Variants in RRP8 observed in about 807,000 individuals in gnomAD.
RRP8 encodes the protein ribosomal RNA processing 8.
RRP8 carries 48 observed loss-of-function variants against 45.0 expected under a neutral mutation model. The observed-to-expected ratio is 1.07, with a 90% confidence interval of 0.85 to 1.36. The LOEUF (loss-of-function observed/expected upper bound fraction) is 1.36, where lower values mean the gene tolerates loss of function less well. RRP8 is among the 40% of genes most tolerant of loss of function. The pLI is 0.00. For synonymous variants in RRP8, 274 were observed against 212.4 expected, an observed-to-expected ratio of 1.29 and a Z score of -2.52; for missense variants, 658 against 573.7, an observed-to-expected ratio of 1.15 and a Z score of -1.50.
rs1252069990 is a variant in RRP8, at chr11:6,595,808, AATG to A, written c.*4335_*4337del. Reference sequence around the variant, plus strand: ...CATAGAAGATATATCCAGTGTATATAATGATAACTGCTAAAACACCCTCAAAAC... The same window carrying A: ...CATAGAAGATATATCCAGTGTATATAATAACTGCTAAAACACCCTCAAAAC... On this transcript the variant is annotated 3_prime_UTR_variant, in exon 7 of 7. Coordinates refer to ENST00000254605, the MANE Select transcript of RRP8 (RefSeq NM_015324.4). 6.6e-6 allele frequency: 1 copy of A among 152,234 alleles called. No individual in the cohort carries two copies. The highest frequency in any genetic ancestry group is 1.5e-5 in the Non-Finnish European group (1 of 68,044). The allele number at this position is 152,234 out of a possible 1,614,324, so 9.4% of individuals were successfully genotyped here.
intron 1 of RRP8, 62 bp downstream of exon 1, chr11:6,603,342 G>C (rs1296496967): frequency 9.8e-6 from 12 of 1,227,526 alleles, no homozygotes; most frequent in Non-Finnish European, 1.3e-5. Context: ...CACAGCGCTG[G>C]GATCCACCAA....
At chr11:6,600,353 G>T in intron 6 of RRP8, 88 bp from the exon 7 acceptor site, 1 of 1,300,804 alleles carries the variant, frequency 7.7e-7, no homozygotes, top group Non-Finnish European at 1.1e-6. Context: ...TGCTCACAAA[G>T]CTTCCCAGGG....
At chr11:6,600,420 G>C in intron 6 of RRP8, 66 bp downstream of exon 6, 1 of 1,485,544 alleles carries the variant, frequency 6.7e-7, no homozygotes, top group Non-Finnish European at 9.3e-7. Flanking sequence ...CCTCCTTCCT[G>C]AACACCAGTA....
At chr11:6,602,308 C>A (rs761904717) in intron 1 of RRP8, 93 bp from the exon 2 acceptor site, 3 of 1,384,426 alleles carry the variant, frequency 2.2e-6, no homozygotes, top group South Asian at 1.6e-5. Flanking sequence ...TTCAGACTGG[C>A]AGAAGCATCT....
In RRP8 at chr11:6,601,519, A is replaced by G; in HGVS notation, c.547T>C (p.Leu183=). The G allele has an allele frequency of 3.1e-6, 5 of 1,611,390 alleles. No homozygotes were observed. In the East Asian group the frequency reaches 1.1e-4, roughly 36 times the overall value. The change falls in exon 3 of 7, where the codon TTA becomes CTA. Residue 183 remains leucine, a synonymous_variant. Transcript: ENST00000254605. The part of the protein sequence containing the change: ...GSTSPKPPHT[L]SRKQWRNRQK... ...CGGTTCCGCCACTGCTTGCGGCTTA[A>G]TGTATGAGGGGGTTTAGGGGAAGTG...
At position 6,596,431 on chromosome 11, in the gene RRP8, T is replaced by C. The variant is rs185518317; in HGVS notation, c.*3715A>G. 6.0e-4 allele frequency: 92 copies of C among 152,472 alleles called. No homozygotes were observed. The highest frequency in any genetic ancestry group is 2.2e-3 in the African/African-American group (90 of 41,562). The allele number at this position is 152,472 out of a possible 1,614,324, so 9.4% of individuals were successfully genotyped here. ...GCAAGATCACACGGGGCCTGAAAAG[T>C]TTGTCTTTTGTTCTCGAGGCAGTGA... On this transcript the variant is annotated 3_prime_UTR_variant, in exon 7 of 7. Coordinates refer to ENST00000254605, the MANE Select transcript of RRP8 (RefSeq NM_015324.4).
rs780329905 is a variant in RRP8 at position 6,601,283 on chromosome 11, C to T, written c.783G>A (p.Gly261=). ...FRYLNEQLYS[G]PSSAAQRLFQ... Reference sequence around the variant, plus strand: ...AGAGACGCTGTGCAGCACTGCTGGGCCCTGAGTACAACTGTTCATTGAGGT... The same window carrying T: ...AGAGACGCTGTGCAGCACTGCTGGGTCCTGAGTACAACTGTTCATTGAGGT... The change falls in exon 3 of 7, where the codon GGG becomes GGA. Residue 261 remains glycine (G), a synonymous_variant. Coordinates refer to ENST00000254605, the MANE Select transcript of RRP8 (RefSeq NM_015324.4). 3 of 1,612,902 alleles carry T rather than the reference C, an allele frequency of 1.9e-6. No homozygotes were observed. The highest frequency in any genetic ancestry group is 2.5e-6 in the Non-Finnish European group (3 of 1,179,456).
In RRP8 at chr11:6,600,202, G is replaced by C; in HGVS notation, c.1315C>G (p.Pro439Ala). Residue 439 changes from proline (P) to alanine (A), a missense_variant, in exon 7 of 7, where the codon CCC becomes GCC. Pro to Ala is a conservative substitution (Grantham distance 27, BLOSUM62 -1). Coordinates refer to ENST00000254605, the MANE Select transcript of RRP8 (RefSeq NM_015324.4). Reference protein sequence around the residue: ...FQKTGPPLVGPKAQLSGLQLQ... With the variant: ...FQKTGPPLVGAKAQLSGLQLQ... ...TGCAGGCCTGAAAGCTGAGCCTTGG[G>C]CCCTACCAGAGGGGGCCCAGTCTTT... 1 of 1,609,094 alleles carries C rather than the reference G, an allele frequency of 6.2e-7. No homozygotes were observed. The highest frequency in any genetic ancestry group is 1.1e-5 in the South Asian group (1 of 90,318).
At chr11:6,601,666 A>C (rs1438310792) in intron 2 of RRP8, 64 bp from the exon 3 acceptor site, 2 of 1,519,262 alleles carry the variant, frequency 1.3e-6, no homozygotes, top group East Asian at 4.5e-5. Flanking sequence ...AGTCACGGCA[A>C]GTCATCCCAG....
In RRP8 at chr11:6,599,538, A is replaced by G. The variant is rs1854292642; in HGVS notation, c.*608T>C. On this transcript the variant is annotated 3_prime_UTR_variant, in exon 7 of 7. Transcript: ENST00000254605. ...TGGCTTGATGCTATATGGTTCCAAA[A>G]ATGGAGATGAGGGGAGAGGGGAAAG... is the stretch of plus-strand genomic sequence containing the variant. The G allele has an allele frequency of 6.6e-6, 1 of 152,244 alleles. No individual in the cohort carries two copies. Among genetic ancestry groups the G allele is most frequent in the African/African-American group, 2.4e-5 (1 of 41,450 alleles). 9.4% of individuals were successfully genotyped at this position (152,244 alleles called of 1,614,324 possible).
At position 6,601,603 on chromosome 11, in the gene RRP8, C is replaced by A; in HGVS notation, c.464-1G>T. On this transcript the variant is annotated splice_acceptor_variant, in intron 2 of 6. Transcript: ENST00000254605. LOFTEE classifies it high-confidence loss of function. Reference sequence around the variant, plus strand: ...GTACTACCCTTCCAGGCTTTGGGACCTACAGGGAGGGAGATGGGAAGGTGC... The same window carrying A: ...GTACTACCCTTCCAGGCTTTGGGACATACAGGGAGGGAGATGGGAAGGTGC... 1.3e-6 allele frequency: 2 copies of A among 1,596,288 alleles called. No homozygotes were observed. Among genetic ancestry groups the A allele is most frequent in the Non-Finnish European group, 1.7e-6 (2 of 1,177,316 alleles).
At position 6,596,924 on chromosome 11, in the gene RRP8, T is replaced by A. The variant is rs1399553221; in HGVS notation, c.*3222A>T. 6.6e-6 allele frequency: 1 copy of A among 152,260 alleles called. No homozygotes were observed. The highest frequency in any genetic ancestry group is 2.4e-5 in the African/African-American group (1 of 41,462). 9.4% of individuals were successfully genotyped at this position (152,260 alleles called of 1,614,324 possible). A position where few individuals can be genotyped will look rare whatever the true frequency, so the allele number is the denominator to read the frequency against. On this transcript the variant is annotated 3_prime_UTR_variant, in exon 7 of 7. Transcript: ENST00000254605. ...AGGCACGGATAACCAAACCCAATTT[T>A]ATTCTTGTCTCTTACCACCCTCCAA...
intron 6 of RRP8, 99 bp downstream of exon 6, chr11:6,600,387 A>G: frequency 5.9e-6 from 8 of 1,356,892 alleles, no homozygotes; most frequent in Non-Finnish European, 8.2e-6. Context: ...TGGGGAGCAA[A>G]ATGTCTGTTC....
At position 6,603,595 on chromosome 11, in the gene RRP8, G is replaced by T; in HGVS notation, c.-93C>A. On this transcript the variant is annotated 5_prime_UTR_variant, in exon 1 of 7. Coordinates refer to ENST00000254605, the MANE Select transcript of RRP8 (RefSeq NM_015324.4). The stretch of plus-strand genomic sequence containing the variant: ...CGGAGCGCTCAGACCTGCCAGAACC[G>T]ACCCGGAAACCAAAGCGTGACAGCC... 2.6e-6 allele frequency: 2 copies of T among 767,810 alleles called. No homozygotes were observed. Among genetic ancestry groups the T allele is most frequent in the South Asian group, 1.9e-5 (1 of 53,614 alleles). The allele number at this position is 767,810 out of a possible 1,614,324, so 47.6% of individuals were successfully genotyped here.
At position 6,601,042 on chromosome 11, in the gene RRP8, C is replaced by T. The variant is rs1413069349; in HGVS notation, c.931G>A (p.Val311Met). 2 of 1,614,118 alleles carry T rather than the reference C, an allele frequency of 1.2e-6. No homozygotes were observed. The highest frequency in any genetic ancestry group is 2.2e-5 in the East Asian group (1 of 44,894). Reference sequence around the variant, plus strand: ...TCCCCACAGCCGAAGTCAGCCACCACTAGGGATGCAGGCCTGAGAGTGGAA... The same window carrying T: ...TCCCCACAGCCGAAGTCAGCCACCATTAGGGATGCAGGCCTGAGAGTGGAA... Reference protein sequence around the residue: ...RDLRQRPASLVVADFGCGDCR... With the variant: ...RDLRQRPASLMVADFGCGDCR... Residue 311 changes from valine to methionine, a missense_variant, in exon 4 of 7, where the codon GTG becomes ATG. Val to Met is a conservative substitution (Grantham distance 21). Coordinates refer to ENST00000254605, the MANE Select transcript of RRP8 (RefSeq NM_015324.4).
At chr11:6,602,547 A>C (rs140776804) in intron 1 of RRP8, among the ~76,000 whole-genome samples, 1 of 152,330 alleles carries the variant, frequency 6.6e-6, no homozygotes, top group African/African-American at 2.4e-5. Context: ...GAGCTGATAC[A>C]TTTCTGTAAG....
intron 1 of RRP8, 69 bp from the exon 2 acceptor site, chr11:6,602,284 A>G (rs1218885371): frequency 1.4e-6 from 2 of 1,473,922 alleles, no homozygotes; most frequent in Non-Finnish European, 1.8e-6. Context: ...AAGAAGGGAG[A>G]GATGTGGACC....
rs2134508005 is a variant in RRP8, at chr11:6,603,384, T to C, written c.99+20A>G. ...CTTCGCGGCCTGAAACAGCTCCCAT[T>C]GCTCCCGCGAGTCACTCACCTTGTT... On this transcript the variant is annotated intron_variant, in intron 1 of 6. Coordinates refer to ENST00000254605, the MANE Select transcript of RRP8 (RefSeq NM_015324.4). 1 of 1,568,922 alleles carries C rather than the reference T, an allele frequency of 6.4e-7. No individual in the cohort carries two copies. Among genetic ancestry groups the C allele is most frequent in the Non-Finnish European group, 8.7e-7 (1 of 1,150,940 alleles).
Position 6,601,385 on chromosome 11 carries a change from C to T in RRP8, c.681G>A (p.Arg227=), listed in dbSNP as rs1854356379. The T allele has an allele frequency of 6.2e-7, 1 of 1,614,050 alleles. No homozygotes were observed. Among genetic ancestry groups the T allele is most frequent in the South Asian group, 1.1e-5 (1 of 91,086 alleles). Residue 227 remains arginine (R), a synonymous_variant, in exon 3 of 7, where the codon AGG becomes AGA. Coordinates refer to ENST00000254605, the MANE Select transcript of RRP8 (RefSeq NM_015324.4). Reference sequence around the variant, plus strand: ...CTGCCCGAGCCTCATGGCTGTCTGTCCTGGGAACAGGAGACACCTCTGTCT... The same window carrying T: ...CTGCCCGAGCCTCATGGCTGTCTGTTCTGGGAACAGGAGACACCTCTGTCT... ...TEKTEVSPVP[R]TDSHEARAGA...
Sources: allele counts gnomAD v4.1 joint callset (sites outside exome capture counted in the v4.1 genomes callset), GRCh38; gene constraint gnomAD v4.1.1; transcripts MANE v1.5; gene names NCBI Gene and HGNC (gene_info 2026-07-23, HGNC 2026-07-21).